Variants in ADAM15 observed in about 807,000 individuals in gnomAD.
The protein encoded by ADAM15 is disintegrin and metalloproteinase domain-containing protein 15.
Under a neutral mutation model 113.8 loss-of-function variants are expected in ADAM15, and 77 were observed. The ratio of observed to expected loss-of-function variants is 0.68; its 90% CI spans 0.56 to 0.82. ADAM15 has a LOEUF of 0.82. Among genes scored for constraint, ADAM15 ranks in the 40% least tolerant of loss-of-function variants. The pLI is 0.00. For synonymous variants in ADAM15, 388 were observed against 454.1 expected, an observed-to-expected ratio of 0.85 and a Z score of 1.85; for missense variants, 963 against 1,120.1, an observed-to-expected ratio of 0.86 and a Z score of 2.00.
intron 17 of ADAM15, 58 bp downstream of exon 17, chr1:155,060,032 C>T (rs754909048): frequency 1.5e-5 from 24 of 1,602,514 alleles, no homozygotes; most frequent in Admixed American, 3.3e-5. Flanking sequence ...CATGCTTTAT[C>T]TTGCCCCCTC....
In ADAM15 at chr1:155,056,853, C is replaced by T. The variant is rs914867377; in HGVS notation, c.1000-100C>T. On this transcript the variant is annotated intron_variant, in intron 10 of 22. Transcript: ENST00000356955. This position sits in a 1 kb window ranked among gnomAD's most constrained non-coding sequence, Gnocchi z 4.0. ...GGAAGCAGTGCCTGCTGAGTGCCCACGAGGTCAGACGTGGAGGGAACAGGA... is the reference window on the plus strand; with the variant it reads ...GGAAGCAGTGCCTGCTGAGTGCCCATGAGGTCAGACGTGGAGGGAACAGGA... The T allele has an allele frequency of 3.5e-5, 51 of 1,474,756 alleles. No homozygotes were observed. Among genetic ancestry groups the T allele is most frequent in the South Asian group, 2.1e-4 (15 of 71,906 alleles). 91.4% of individuals were successfully genotyped at this position (1,474,756 alleles called of 1,614,324 possible).
chr1:155,057,734 G>T lies in ADAM15; in HGVS notation c.1416+5G>T, dbSNP rs368281675. 1 of 1,614,100 alleles carries T rather than the reference G, an allele frequency of 6.2e-7. No homozygotes were observed. The highest frequency in any genetic ancestry group is 1.7e-5 in the Admixed American group (1 of 60,012). On this transcript the variant is annotated splice_donor_5th_base_variant and intron_variant, in intron 13 of 22. Transcript: ENST00000356955. The surrounding 1 kb of genome is among the most constrained non-coding windows in gnomAD (Gnocchi z 5.0). ...CCCTGTTGTCAAAATTGCCAGGTGG[G>T]TAGAGACTAGACTGGCCACCCGGAG...
rs373723649 is a variant in ADAM15 at position 155,056,087 on chromosome 1, G to A, written c.752G>A (p.Arg251Gln). ...GCCCCAGCTGTCTTTCAGTTCTTCC[G>A]GCCCCTGAATGTACGAGTGGCACTA... is the stretch of plus-strand genomic sequence containing the variant. ...EVALLLDTFF[R>Q]PLNVRVALVG... is the part of the protein sequence containing the mutation. Residue 251 changes from arginine (R) to glutamine (Q), a missense_variant, in exon 9 of 23, where the codon CGG (arginine) becomes CAG (glutamine). Arg to Gln is a conservative substitution (Grantham distance 43). Coordinates refer to ENST00000356955, the MANE Select transcript of ADAM15 (RefSeq NM_207197.3). This position sits in a 1 kb window ranked among gnomAD's most constrained non-coding sequence, Gnocchi z 4.0. 1.2e-5 allele frequency: 19 copies of A among 1,613,064 alleles called. 1 individual carries two copies. The highest frequency in any genetic ancestry group is 1.7e-5 in the Admixed American group (1 of 59,980).
Position 155,055,774 on chromosome 1 carries a change from T to C in ADAM15, c.613-16T>C. The stretch of plus-strand genomic sequence containing the variant: ...GAGCGGCAGGTTTGCCTGATAATTC[T>C]TCTTGTCCATAGTAGAGGCGGGATG... On this transcript the variant is annotated splice_polypyrimidine_tract_variant and intron_variant, in intron 6 of 22. Coordinates refer to ENST00000356955, the MANE Select transcript of ADAM15 (RefSeq NM_207197.3). 1.2e-6 allele frequency: 2 copies of C among 1,614,152 alleles called. No homozygotes were observed. The highest frequency in any genetic ancestry group is 1.7e-6 in the Non-Finnish European group (2 of 1,180,012).
Position 155,060,042 on chromosome 1 carries a change from C to T in ADAM15, c.2068+68C>T, listed in dbSNP as rs138683904. On this transcript the variant is annotated intron_variant, in intron 17 of 22. Coordinates refer to ENST00000356955, the MANE Select transcript of ADAM15 (RefSeq NM_207197.3). ...CGTCTCATGCTTTATCTTGCCCCCT[C>T]GGCCCTCTCTTTCTGACCCCCCTTT... The T allele has an allele frequency of 3.5e-5, 56 of 1,594,356 alleles. No homozygotes were observed. The East Asian group carries it at 9.8e-4, about 28-fold the overall frequency.
At position 155,062,384 on chromosome 1, in the gene ADAM15, G is replaced by A; in HGVS notation, c.2549+15G>A. On this transcript the variant is annotated intron_variant, in intron 22 of 22. Transcript: ENST00000356955. The surrounding 1 kb of genome is among the most constrained non-coding windows in gnomAD (Gnocchi z 7.0). ...GTACCCTCCAGGTAGGAGGAGCCCT[G>A]GGCATGGGTGGGCGGGGCGAGTGAC... 1 of 1,605,778 alleles carries A rather than the reference G, an allele frequency of 6.2e-7. No individual in the cohort carries two copies. Among genetic ancestry groups the A allele is most frequent in the Non-Finnish European group, 8.5e-7 (1 of 1,176,850 alleles).
At position 155,058,262 on chromosome 1, in the gene ADAM15, C is replaced by A. The variant is rs1662069232; in HGVS notation, c.1738C>A (p.Gln580Lys). Reference protein sequence around the residue: ...SCTPRDAICGQLQCQTGRTQP... With the variant: ...SCTPRDAICGKLQCQTGRTQP... ...TCCCCACAGAGATGCCATTTGTGGG[C>A]AGCTCCAGTGCCAGACAGGTAGGAC... The change falls in exon 15 of 23, where the codon CAG (glutamine) becomes AAG (lysine). Residue 580 changes from glutamine (Q) to lysine (K), a missense_variant. Physicochemically the swap from Gln to Lys is moderately conservative, Grantham distance 53. Coordinates refer to ENST00000356955, the MANE Select transcript of ADAM15 (RefSeq NM_207197.3). The surrounding 1 kb of genome is among the most constrained non-coding windows in gnomAD (Gnocchi z 4.3). 1.2e-6 allele frequency: 2 copies of A among 1,613,972 alleles called. No individual in the cohort carries two copies. The highest frequency in any genetic ancestry group is 1.7e-5 in the Admixed American group (1 of 60,008).
intron 6 of ADAM15, among the ~76,000 whole-genome samples, chr1:155,055,206 G>A (rs1300926762): frequency 6.8e-6 from 1 of 146,120 alleles, no homozygotes; most frequent in Non-Finnish European, 1.5e-5. Context: ...AGTTGTTATT[G>A]GGATTTTTAA....
chr1:155,053,326 G>A (rs567210100), intron 2 of ADAM15, 91 bp from the exon 3 acceptor site: 15 of 1,163,770 alleles, frequency 1.3e-5, no homozygotes, highest in Non-Finnish European at 1.9e-5. Flanking sequence ...CTAATTGCTG[G>A]TGCTCTTCTG....
chr1:155,060,692 A>G, intron 18 of ADAM15, 71 bp from the exon 19 acceptor site: 1 of 1,515,148 alleles, frequency 6.6e-7, no homozygotes, highest in Non-Finnish European at 9.1e-7. Flanking sequence ...AACCCCACTC[A>G]GGGATGGCAT....
In ADAM15 at chr1:155,058,791, A is replaced by G. The variant is rs780790588; in HGVS notation, c.1995+4A>G. ...AAGCAAATGCCATGGACATGGGGTG[A>G]GCTGGGATGGGGGAAGTGGAAGGGG... On this transcript the variant is annotated splice_donor_region_variant and intron_variant, in intron 16 of 22. Transcript: ENST00000356955. This position sits in a 1 kb window ranked among gnomAD's most constrained non-coding sequence, Gnocchi z 4.3. 6.2e-7 allele frequency: 1 copy of G among 1,609,300 alleles called. No homozygotes were observed. The highest frequency in any genetic ancestry group is 8.5e-7 in the Non-Finnish European group (1 of 1,177,124).
At chr1:155,060,113 C>G (rs1414967605) in intron 17 of ADAM15, 92 bp from the exon 18 acceptor site, 2 of 1,579,680 alleles carry the variant, frequency 1.3e-6, no homozygotes, top group African/African-American at 1.3e-5. Context: ...TTCACTCTCC[C>G]TGATCACTTG....
At chr1:155,052,872 G>A in intron 2 of ADAM15, 95 bp downstream of exon 2, 1 of 1,483,218 alleles carries the variant, frequency 6.7e-7, no homozygotes, top group Non-Finnish European at 9.1e-7. Context: ...AGGAGCTGGT[G>A]GGTAGAGCTC....
At chr1:155,060,634 C>A in intron 18 of ADAM15, 129 bp from the exon 19 acceptor site, 1 of 1,081,006 alleles carries the variant, frequency 9.3e-7, no homozygotes, top group Non-Finnish European at 1.4e-6. Context: ...CCCACCCCGG[C>A]CCTACCACAA....
intron 6 of ADAM15, 30 bp from the exon 7 acceptor site, chr1:155,055,760 T>G: frequency 6.2e-7 from 1 of 1,613,692 alleles, no homozygotes. Flanking sequence ...AGCGGCAGGT[T>G]TGCCTGATAA....
In ADAM15 at chr1:155,062,433, C is replaced by G; in HGVS notation, c.2550-27C>G. On this transcript the variant is annotated intron_variant, in intron 22 of 22. Coordinates refer to ENST00000356955, the MANE Select transcript of ADAM15 (RefSeq NM_207197.3). This position sits in a 1 kb window ranked among gnomAD's most constrained non-coding sequence, Gnocchi z 7.0. ...ACCTGGGGGAAAGGGGCCTCTGACTCTTTTTTCTTGGCTTCCCGCAATCCA... is the reference window on the plus strand; with the variant it reads ...ACCTGGGGGAAAGGGGCCTCTGACTGTTTTTTCTTGGCTTCCCGCAATCCA... 1.2e-6 allele frequency: 2 copies of G among 1,613,146 alleles called. No homozygotes were observed. Among genetic ancestry groups the G allele is most frequent in the Non-Finnish European group, 8.5e-7 (1 of 1,179,914 alleles).
At chr1:155,053,271 G>A in intron 2 of ADAM15, 146 bp from the exon 3 acceptor site, 2 of 734,166 alleles carry the variant, frequency 2.7e-6, no homozygotes, top group South Asian at 3.2e-5. Context: ...CTCCAGGCCA[G>A]GCAGGGTTTC....
At chr1:155,060,992 G>C in intron 19 of ADAM15, 160 bp downstream of exon 19, 1 of 697,738 alleles carries the variant, frequency 1.4e-6, no homozygotes, top group Non-Finnish European at 2.4e-6. Context: ...CCCTCCCCTG[G>C]CTACAGGCAG....
Position 155,062,294 on chromosome 1 carries a change from A to G in ADAM15, c.2474A>G (p.Asp825Gly). The G allele has an allele frequency of 1.4e-6, 2 of 1,466,226 alleles. No homozygotes were observed. The highest frequency in any genetic ancestry group is 1.8e-6 in the Non-Finnish European group (2 of 1,106,730). 90.8% of individuals were successfully genotyped at this position (1,466,226 alleles called of 1,614,324 possible). A position where few individuals can be genotyped will look rare whatever the true frequency, so the allele number is the denominator to read the frequency against. The change falls in exon 22 of 23, where the codon GAC becomes GGC. Residue 825 changes from aspartate (D) to glycine (G), a missense_variant. Physicochemically the swap from Asp to Gly is moderately conservative, Grantham distance 94. Transcript: ENST00000356955. This position sits in a 1 kb window ranked among gnomAD's most constrained non-coding sequence, Gnocchi z 7.0. ...PPPPRKPLPA[D>G]PQGRCPSGDL... Reference sequence around the variant, plus strand: ...CCCCCAAGGAAGCCACTGCCTGCCGACCCCCAGGGCCGGTGCCCATCGGGT... The same window carrying G: ...CCCCCAAGGAAGCCACTGCCTGCCGGCCCCCAGGGCCGGTGCCCATCGGGT...
Sources: allele counts gnomAD v4.1 joint callset (sites outside exome capture counted in the v4.1 genomes callset), GRCh38; gene constraint gnomAD v4.1.1; non-coding constraint Gnocchi (gnomAD v3.1); transcripts MANE v1.5; gene names NCBI Gene and HGNC (gene_info 2026-07-23, HGNC 2026-07-21).